Variants in ABCA12 observed in about 807,000 individuals in gnomAD.
The protein encoded by ABCA12 is glucosylceramide transporter ABCA12.
In ABCA12, 156 loss-of-function variants were observed where a neutral mutation model predicts 293.5. That is an observed-to-expected ratio of 0.53 (90% CI 0.47 to 0.61). ABCA12 has a LOEUF of 0.61. Among genes scored for constraint, ABCA12 ranks in the 20% least tolerant of loss-of-function variants. The pLI is 0.00. For missense variants in ABCA12, 2,797 were observed against 3,090.2 expected, an observed-to-expected ratio of 0.91 and a Z score of 2.25; for synonymous variants, 1,063 against 1,108.0, an observed-to-expected ratio of 0.96 and a Z score of 0.81.
intron 2 of ABCA12, among the ~76,000 whole-genome samples, chr2:215,077,105 T>A (rs1701849609): frequency 6.6e-6 from 1 of 152,152 alleles, no homozygotes; most frequent in Non-Finnish European, 1.5e-5. Context: ...AAGGTACCTT[T>A]AATGTTTGAC....
chr2:214,979,075 T>C (rs1447626040), intron 31 of ABCA12, 35 bp from the exon 32 acceptor site: 1 of 1,577,728 alleles, frequency 6.3e-7, no homozygotes, highest in East Asian at 2.2e-5. Context: ...AACACTCTCC[T>C]CTCTTTACAC....
intron 51 of ABCA12, among the ~76,000 whole-genome samples, chr2:214,935,014 A>G (rs1349562787): frequency 6.6e-6 from 1 of 152,170 alleles, no homozygotes; most frequent in Non-Finnish European, 1.5e-5. Context: ...CTTTGCTGAT[A>G]CTAGTTTGAT....
chr2:214,966,768 G>A, intron 39 of ABCA12, 80 bp downstream of exon 39: 2 of 1,321,704 alleles, frequency 1.5e-6, no homozygotes, highest in Non-Finnish European at 1.1e-6. Flanking sequence ...CACCTGTGAA[G>A]AAACAGGATA....
Position 215,019,595 on chromosome 2 carries a change from T to C in ABCA12, c.1489A>G (p.Lys497Glu). ...LLYHDNVISK[K>E]VRDLLTGDPS... ...TCTCCAGTCAGCAAATCTCTCACTT[T>C]TTTAGATATGACATTGTCATGGTAC... The change falls in exon 12 of 53, where the codon AAA becomes GAA. Residue 497 changes from lysine (K) to glutamate (E), a missense_variant. Lys to Glu is a moderately conservative substitution (Grantham distance 56, BLOSUM62 1). Coordinates refer to ENST00000272895, the MANE Select transcript of ABCA12 (RefSeq NM_173076.3). 1.2e-6 allele frequency: 2 copies of C among 1,614,224 alleles called. No individual in the cohort carries two copies. Among genetic ancestry groups the C allele is most frequent in the Middle Eastern group, 3.3e-4 (2 of 6,062 alleles).
chr2:215,123,216 C>T (rs1257418386), intron 1 of ABCA12, among the ~76,000 whole-genome samples: 1 of 152,022 alleles, frequency 6.6e-6, no homozygotes, highest in Non-Finnish European at 1.5e-5. Context: ...CTCTGCTGCT[C>T]AGGCTGGAGT....
chr2:215,069,308 T>C (rs1575023076), intron 2 of ABCA12, among the ~76,000 whole-genome samples: 2 of 152,100 alleles, frequency 1.3e-5, no homozygotes, highest in Non-Finnish European at 2.9e-5. Flanking sequence ...AAATAATGTC[T>C]CCTTGTCAAG....
Position 214,980,531 on chromosome 2 carries a change from G to A in ABCA12, c.4692C>T (p.Leu1564=), listed in dbSNP as rs150585819. ...GATACCCATCGCCAAAGGCTTCCTTGAGGTAAAATGGGGACCCACAGCACC... is the reference window on the plus strand; with the variant it reads ...GATACCCATCGCCAAAGGCTTCCTTAAGGTAAAATGGGGACCCACAGCACC... ...GLRCCGSPFY[L]KEAFGDGYHL... Residue 1564 remains leucine, a synonymous_variant, in exon 31 of 53, where the codon CTC becomes CTT. Coordinates refer to ENST00000272895, the MANE Select transcript of ABCA12 (RefSeq NM_173076.3). The A allele has an allele frequency of 1.8e-4, 296 of 1,613,966 alleles. 1 individual carries two copies. In the African/African-American group the frequency reaches 3.5e-3, roughly 19 times the overall value.
chr2:215,020,449 G>A (rs192641534), intron 11 of ABCA12, among the ~76,000 whole-genome samples: 4 of 152,264 alleles, frequency 2.6e-5, no homozygotes, highest in African/African-American at 9.6e-5. Flanking sequence ...AATACTATAT[G>A]ATTCCACTTA....
intron 2 of ABCA12, among the ~76,000 whole-genome samples, chr2:215,108,635 A>G (rs1424861224): frequency 1.3e-5 from 2 of 152,240 alleles, no homozygotes; most frequent in Non-Finnish European, 2.9e-5. Flanking sequence ...TATTTTTATT[A>G]TGATGAATTA....
intron 2 of ABCA12, among the ~76,000 whole-genome samples, chr2:215,103,903 C>T (rs1296417047): frequency 6.6e-6 from 1 of 152,092 alleles, no homozygotes; most frequent in African/African-American, 2.4e-5. Flanking sequence ...AGGAGAATCA[C>T]TTGAACCCTG....
intron 2 of ABCA12, among the ~76,000 whole-genome samples, chr2:215,089,974 T>C (rs1702109034): frequency 6.6e-6 from 1 of 152,134 alleles, no homozygotes. Flanking sequence ...CCTGTATATA[T>C]CCAGATGGCC....
rs558025247 is a variant in ABCA12, at chr2:215,069,611, G to T, written c.164-5392C>A. ...CATTATATCAGGAGCCTGTAGATCTGTTCCTGTTCTCCTTCGCATGCACCT... is the reference window on the plus strand; with the variant it reads ...CATTATATCAGGAGCCTGTAGATCTTTTCCTGTTCTCCTTCGCATGCACCT... On this transcript the variant is annotated intron_variant, in intron 2 of 52. Transcript: ENST00000272895. 5.9e-5 allele frequency among the ~76,000 whole-genome samples: 9 copies of T among 152,174 alleles called. No individual in the cohort carries two copies. In the East Asian group the frequency reaches 1.7e-3, roughly 29 times the overall value.
chr2:215,123,495 A>T (rs1482395893), intron 1 of ABCA12, among the ~76,000 whole-genome samples: 2 of 152,092 alleles, frequency 1.3e-5, no homozygotes, highest in Non-Finnish European at 2.9e-5. Flanking sequence ...TATCCAATGA[A>T]CTGTTGGCGG....
At chr2:215,102,441 A>G (rs1702378758) in intron 2 of ABCA12, among the ~76,000 whole-genome samples, 1 of 152,122 alleles carries the variant, frequency 6.6e-6, no homozygotes, top group Admixed American at 6.5e-5. Flanking sequence ...TCTACTAAAA[A>G]TACAAAAATT....
intron 2 of ABCA12, among the ~76,000 whole-genome samples, chr2:215,103,559 T>C (rs1702403102): frequency 1.3e-5 from 2 of 152,206 alleles, no homozygotes; most frequent in South Asian, 2.1e-4. Flanking sequence ...GCATGAGCCA[T>C]GGCACCTGGC....
At chr2:215,064,280 A>C in intron 2 of ABCA12, 61 bp from the exon 3 acceptor site, 1 of 1,546,126 alleles carries the variant, frequency 6.5e-7, no homozygotes, top group Non-Finnish European at 8.9e-7. Flanking sequence ...AAGAACATAA[A>C]TGCAGTAACT....
intron 7 of ABCA12, among the ~76,000 whole-genome samples, chr2:215,040,675 G>A (rs1286865266): frequency 6.6e-6 from 1 of 152,104 alleles, no homozygotes; most frequent in African/African-American, 2.4e-5. Flanking sequence ...AGCTGGGTGT[G>A]GTGGTGCATG....
intron 50 of ABCA12, among the ~76,000 whole-genome samples, chr2:214,939,503 A>G (rs1229860786): frequency 2.0e-5 from 3 of 152,174 alleles, no homozygotes; most frequent in Non-Finnish European, 4.4e-5. Context: ...CTGTGAAGAA[A>G]GACAATGGTA....
In ABCA12 at chr2:214,947,561, A is replaced by G. The variant is rs2105923370; in HGVS notation, c.7105-5T>C. The G allele has an allele frequency of 1.2e-6, 2 of 1,613,778 alleles. No individual in the cohort carries two copies. The highest frequency in any genetic ancestry group is 1.7e-6 in the Non-Finnish European group (2 of 1,179,806). ...CCTAAGGAGTTTATGAACAGTCTGT[A>G]GGCAATAAAAGGGGAGTTAGGTTGA... is the stretch of plus-strand genomic sequence containing the variant. On this transcript the variant is annotated splice_polypyrimidine_tract_variant and splice_region_variant and intron_variant, in intron 47 of 52. Coordinates refer to ENST00000272895, the MANE Select transcript of ABCA12 (RefSeq NM_173076.3).
Sources: allele counts gnomAD v4.1 joint callset (sites outside exome capture counted in the v4.1 genomes callset), GRCh38; gene constraint gnomAD v4.1.1; transcripts MANE v1.5; gene names NCBI Gene and HGNC (gene_info 2026-07-23, HGNC 2026-07-21).